The following IL5RA variants were observed in gnomAD, a reference collection of about 807,000 sequenced individuals.
The protein encoded by IL5RA is interleukin-5 receptor subunit alpha.
IL5RA carries 49 observed loss-of-function variants against 50.0 expected under a neutral mutation model. The ratio of observed to expected loss-of-function variants is 0.98; its 90% CI spans 0.78 to 1.24. The LOEUF (loss-of-function observed/expected upper bound fraction) is 1.24. Among genes scored for constraint, IL5RA ranks in the 50% most tolerant of loss-of-function variants. The pLI is 0.00. For synonymous variants in IL5RA, 202 were observed against 174.0 expected (o/e 1.16, Z -1.26); for missense variants, 600 against 500.4 (o/e 1.20, Z -1.90).
At chr3:3,073,906 A>G (rs1459604829) in intron 11 of IL5RA, 2 of 396,036 alleles carry the variant, frequency 5.1e-6, no homozygotes, top group African/African-American at 4.2e-5. Context: ...CGATAAAGCT[A>G]CAGTAATCAA....
At chr3:3,095,804 C>G (rs1703334963) in intron 7 of IL5RA, among the ~76,000 whole-genome samples, 1 of 152,108 alleles carries the variant, frequency 6.6e-6, no homozygotes, top group Non-Finnish European at 1.5e-5. Context: ...ACTGAGAGAA[C>G]ATTTCCCTGG....
At chr3:3,075,972 G>C (rs1379593118) in intron 10 of IL5RA, among the ~76,000 whole-genome samples, 1 of 152,146 alleles carries the variant, frequency 6.6e-6, no homozygotes, top group Non-Finnish European at 1.5e-5. Flanking sequence ...AAAAGGTCTT[G>C]TGCCTTACTG....
intron 9 of IL5RA, among the ~76,000 whole-genome samples, chr3:3,078,604 C>T (rs1172757395): frequency 3.3e-5 from 5 of 152,252 alleles, no homozygotes; most frequent in East Asian, 1.9e-4. Context: ...GAGGCTGAGG[C>T]GGGTGGATCA....
chr3:3,077,805 A>G (rs1702538913), intron 9 of IL5RA, among the ~76,000 whole-genome samples: 1 of 152,144 alleles, frequency 6.6e-6, no homozygotes, highest in Non-Finnish European at 1.5e-5. Flanking sequence ...AGAAAAACTC[A>G]AGACCATTTA....
chr3:3,109,522 G>T (rs114995323), intron 1 of IL5RA, among the ~76,000 whole-genome samples: 1 of 152,060 alleles, frequency 6.6e-6, no homozygotes, highest in African/African-American at 2.4e-5. Flanking sequence ...TATCTGGAGC[G>T]GTGGAAAACA....
intron 9 of IL5RA, among the ~76,000 whole-genome samples, chr3:3,086,670 T>A (rs1295763853): frequency 6.7e-6 from 1 of 149,192 alleles, no homozygotes; most frequent in Non-Finnish European, 1.5e-5. Flanking sequence ...CCTCATCTCT[T>A]AAAAAAAAAT....
chr3:3,090,820 A>G (rs1377343781), intron 9 of IL5RA, among the ~76,000 whole-genome samples: 34 of 151,784 alleles, frequency 2.2e-4, no homozygotes, highest in Non-Finnish European at 4.0e-4. Flanking sequence ...TGATCTGCCC[A>G]TCTCGGCCTC....
At chr3:3,102,219 C>T (rs1230019658) in intron 4 of IL5RA, among the ~76,000 whole-genome samples, 3 of 152,122 alleles carry the variant, frequency 2.0e-5, no homozygotes, top group Non-Finnish European at 2.9e-5. Flanking sequence ...AATGTAGCCC[C>T]GAGGTAAAAC....
rs772252739 is a variant in IL5RA, at chr3:3,102,670, C to T, written c.228+5G>A. 6 of 1,569,056 alleles carry T rather than the reference C, an allele frequency of 3.8e-6. No individual in the cohort carries two copies. The highest frequency in any genetic ancestry group is 2.3e-5 in the South Asian group (2 of 87,006). On this transcript the variant is annotated splice_donor_5th_base_variant and intron_variant, in intron 4 of 11. Coordinates refer to ENST00000446632, the MANE Select transcript of IL5RA (RefSeq NM_175726.4). Reference sequence around the variant, plus strand: ...ATAAGGATATCCATTAGAATAAACACTTACGTCATCTTCTTTTGGAGCGTT... The same window carrying T: ...ATAAGGATATCCATTAGAATAAACATTTACGTCATCTTCTTTTGGAGCGTT...
At chr3:3,075,168 C>T (rs935909364) in intron 10 of IL5RA, among the ~76,000 whole-genome samples, 2 of 145,186 alleles carry the variant, frequency 1.4e-5, no homozygotes, top group Non-Finnish European at 3.0e-5. Context: ...TGAAGCATTC[C>T]TTCCTCAATT....
intron 9 of IL5RA, among the ~76,000 whole-genome samples, chr3:3,085,332 G>C (rs569809450): frequency 1.3e-5 from 2 of 152,330 alleles, no homozygotes; most frequent in African/African-American, 4.8e-5. Context: ...AAAGAGTTTT[G>C]CAAGATTATT....
chr3:3,075,362 T>C (rs1180822141), intron 10 of IL5RA, among the ~76,000 whole-genome samples: 2 of 151,144 alleles, frequency 1.3e-5, no homozygotes, highest in East Asian at 3.9e-4. Context: ...GCCACTGCGC[T>C]CAGCTAATTT....
intron 9 of IL5RA, among the ~76,000 whole-genome samples, chr3:3,082,237 A>C (rs1005362278): frequency 1.3e-5 from 2 of 152,212 alleles, no homozygotes; most frequent in Non-Finnish European, 2.9e-5. Flanking sequence ...GTATAGTCTT[A>C]ATTTGAATTC....
At chr3:3,075,016 G>A in intron 10 of IL5RA, 150 bp from the exon 11 acceptor site, 1 of 616,836 alleles carries the variant, frequency 1.6e-6, no homozygotes, top group Middle Eastern at 4.4e-4. Flanking sequence ...AATTATAGGT[G>A]AAGACTTTGT....
intron 9 of IL5RA, among the ~76,000 whole-genome samples, chr3:3,082,154 CCA>C (rs1702689545): frequency 6.6e-6 from 1 of 152,094 alleles, no homozygotes. Flanking sequence ...AGGGAAGATC[CCA>C]CTGAGAGTAT....
chr3:3,090,155 A>C, intron 9 of IL5RA: 7 of 1,568,030 alleles, frequency 4.5e-6, no homozygotes, highest in Middle Eastern at 3.4e-4. Flanking sequence ...AAATAAATAA[A>C]AATTAAAAAA....
intron 5 of IL5RA, among the ~76,000 whole-genome samples, chr3:3,100,817 T>G (rs1272771613): frequency 6.6e-6 from 1 of 152,016 alleles, no homozygotes; most frequent in African/African-American, 2.4e-5. Flanking sequence ...ATCAAGCCCA[T>G]GCAAATTGGC....
intron 11 of IL5RA, among the ~76,000 whole-genome samples, chr3:3,070,935 T>C (rs1228004937): frequency 6.6e-6 from 1 of 152,140 alleles, no homozygotes; most frequent in Admixed American, 6.6e-5. Flanking sequence ...TGATTGTAAA[T>C]TACATTGTTA....
At chr3:3,074,008 T>C (rs1009771411) in intron 11 of IL5RA, among the ~76,000 whole-genome samples, 1 of 152,204 alleles carries the variant, frequency 6.6e-6, no homozygotes, top group African/African-American at 2.4e-5. Context: ...CAGCAACTAA[T>C]TTCCTACAGA....
Sources: allele counts gnomAD v4.1 joint callset (sites outside exome capture counted in the v4.1 genomes callset), GRCh38; gene constraint gnomAD v4.1.1; transcripts MANE v1.5; gene names NCBI Gene and HGNC (gene_info 2026-07-23, HGNC 2026-07-21).